KCNB2: variants seen among roughly 807,000 people sequenced by gnomAD.
The protein encoded by KCNB2 is delayed rectifier potassium channel protein.
A neutral mutation model predicts 61.5 loss-of-function variants in KCNB2; 15 were observed. The observed-to-expected ratio is 0.24, with a 90% CI of 0.16 to 0.38. The LOEUF (loss-of-function observed/expected upper bound fraction) is 0.38. Ranked by LOEUF, KCNB2 falls within the 10% of genes least tolerant of loss-of-function variation. KCNB2 has a pLI of 1.00. For missense variants in KCNB2, 828 were observed against 1,125.2 expected (o/e 0.74, Z 3.78); for synonymous variants, 457 against 446.0 (o/e 1.02, Z -0.31).
intron 2 of KCNB2, among the ~76,000 whole-genome samples, chr8:72,824,955 T>C (rs1324655094): frequency 6.6e-6 from 1 of 152,222 alleles, no homozygotes; most frequent in Non-Finnish European, 1.5e-5. Flanking sequence ...TGGCATTAAG[T>C]ACATTCACAT....
At chr8:72,849,152 T>C (rs968987974) in intron 2 of KCNB2, among the ~76,000 whole-genome samples, 4 of 151,018 alleles carry the variant, frequency 2.6e-5, no homozygotes, top group African/African-American at 7.3e-5. Flanking sequence ...ATCAGCCTTG[T>C]AATTTTTTTT....
intron 2 of KCNB2, among the ~76,000 whole-genome samples, chr8:72,814,351 T>C (rs1254366255): frequency 1.3e-5 from 2 of 152,202 alleles, no homozygotes; most frequent in African/African-American, 2.4e-5. Context: ...TTAGGGTATA[T>C]CCATAAAAAG....
At position 72,591,424 on chromosome 8, in the gene KCNB2, T is replaced by C. The variant is rs955099697; in HGVS notation, c.579+23111T>C. Among the ~76,000 whole-genome samples the C allele has an allele frequency of 4.6e-5, 7 of 152,146 alleles. No homozygotes were observed. In the East Asian group the frequency reaches 1.3e-3, roughly 29 times the overall value. On this transcript the variant is annotated intron_variant, in intron 2 of 2. Coordinates refer to ENST00000523207, the MANE Select transcript of KCNB2 (RefSeq NM_004770.3). Reference sequence around the variant, plus strand: ...AGTCTGGGACTGAGCTGGAAACTGATGCATGCATAAAAGAAGGTGGACTTC... The same window carrying C: ...AGTCTGGGACTGAGCTGGAAACTGACGCATGCATAAAAGAAGGTGGACTTC...
chr8:72,754,177 G>C (rs900181937), intron 2 of KCNB2, among the ~76,000 whole-genome samples: 2 of 152,114 alleles, frequency 1.3e-5, no homozygotes, highest in African/African-American at 4.8e-5. Flanking sequence ...ATTGTAACAG[G>C]CCAATTGGGG....
chr8:72,798,408 A>G (rs987351720), intron 2 of KCNB2, among the ~76,000 whole-genome samples: 1 of 152,268 alleles, frequency 6.6e-6, no homozygotes, highest in South Asian at 2.1e-4. Flanking sequence ...TATATTTCTT[A>G]TATCATCCTA....
chr8:72,572,344 A>G lies in KCNB2; in HGVS notation c.579+4031A>G, dbSNP rs111724430. ...CTAGAACATAAGCAGCCCTTATTGG[A>G]TAAGAACAGCAGGAGGCAAAATCTG... On this transcript the variant is annotated intron_variant, in intron 2 of 2. Coordinates refer to ENST00000523207, the MANE Select transcript of KCNB2 (RefSeq NM_004770.3). Among the ~76,000 whole-genome samples, 1,247 of 152,290 alleles carry G rather than the reference A, an allele frequency of 8.2e-3. 9 individuals are homozygous for G. Among genetic ancestry groups the G allele is most frequent in the South Asian group, 0.014 (66 of 4,822 alleles).
intron 2 of KCNB2, among the ~76,000 whole-genome samples, chr8:72,916,828 A>G (rs1806410828): frequency 6.6e-6 from 1 of 152,226 alleles, no homozygotes; most frequent in East Asian, 1.9e-4. Flanking sequence ...AAGCTACATC[A>G]TCAAGTTGTC....
chr8:72,752,524 C>T (rs943648229), intron 2 of KCNB2, among the ~76,000 whole-genome samples: 4 of 152,150 alleles, frequency 2.6e-5, no homozygotes, highest in Non-Finnish European at 5.9e-5. Flanking sequence ...TGATCATCTA[C>T]TGCACTCAGA....
chr8:72,855,517 T>C (rs1212906732), intron 2 of KCNB2, among the ~76,000 whole-genome samples: 1 of 152,196 alleles, frequency 6.6e-6, no homozygotes, highest in Non-Finnish European at 1.5e-5. Context: ...TGTCCTCTGC[T>C]GTGACCCAGT....
intron 2 of KCNB2, among the ~76,000 whole-genome samples, chr8:72,770,687 A>G (rs148446714): frequency 6.8e-4 from 104 of 152,340 alleles, no homozygotes; most frequent in African/African-American, 2.3e-3. Flanking sequence ...TGGGGATTAA[A>G]TGGAATAATC....
intron 2 of KCNB2, among the ~76,000 whole-genome samples, chr8:72,613,873 T>G (rs1236240875): frequency 6.6e-6 from 1 of 152,168 alleles, no homozygotes; most frequent in African/African-American, 2.4e-5. Flanking sequence ...AAGAGTGAAT[T>G]TCTTGAGCTC....
intron 1 of KCNB2, among the ~76,000 whole-genome samples, chr8:72,539,485 T>G (rs1309249006): frequency 6.6e-6 from 1 of 152,226 alleles, no homozygotes; most frequent in East Asian, 1.9e-4. Flanking sequence ...TGTACCCTTC[T>G]TCCTTTTCTG....
chr8:72,760,161 T>G (rs1808353526), intron 2 of KCNB2, among the ~76,000 whole-genome samples: 1 of 152,206 alleles, frequency 6.6e-6, no homozygotes, highest in South Asian at 2.1e-4. Flanking sequence ...TCTACAGATT[T>G]GGAGCCAGAT....
At chr8:72,619,272 A>G (rs1370808663) in intron 2 of KCNB2, 1 of 618,546 alleles carries the variant, frequency 1.6e-6, no homozygotes, top group Non-Finnish European at 3.2e-6. Context: ...CAAAGCATTC[A>G]GATACCTGGA....
At chr8:72,677,077 T>C (rs942347569) in intron 2 of KCNB2, among the ~76,000 whole-genome samples, 1 of 144,066 alleles carries the variant, frequency 6.9e-6, no homozygotes, top group Admixed American at 7.0e-5. Context: ...ATGACTTGCA[T>C]GCCTATAAAA....
intron 2 of KCNB2, among the ~76,000 whole-genome samples, chr8:72,672,625 A>C (rs1001695906): frequency 6.6e-6 from 1 of 151,660 alleles, no homozygotes; most frequent in Non-Finnish European, 1.5e-5. Flanking sequence ...TGAATTTAAC[A>C]AAAGAGCTCT....
chr8:72,597,798 C>G (rs531612083), intron 2 of KCNB2, among the ~76,000 whole-genome samples: 1 of 152,002 alleles, frequency 6.6e-6, no homozygotes, highest in Non-Finnish European at 1.5e-5. Context: ...CCAGGAAGTC[C>G]CAACCCAAAA....
At chr8:72,850,717 A>G (rs1365757376) in intron 2 of KCNB2, among the ~76,000 whole-genome samples, 3 of 152,210 alleles carry the variant, frequency 2.0e-5, no homozygotes, top group African/African-American at 4.8e-5. Context: ...AGAAAATTTA[A>G]TGGAATAGTT....
Position 72,655,043 on chromosome 8 carries a change from C to G in KCNB2, c.579+86730C>G, listed in dbSNP as rs116275914. Among the ~76,000 whole-genome samples the G allele has an allele frequency of 3.7e-3, 556 of 152,152 alleles. 2 individuals carry two copies. The highest frequency in any genetic ancestry group is 0.012 in the African/African-American group (497 of 41,528). On this transcript the variant is annotated intron_variant, in intron 2 of 2. Coordinates refer to ENST00000523207, the MANE Select transcript of KCNB2 (RefSeq NM_004770.3). ...AATGATAGACAAGACATGGAATCAACGTAAATGCCCATCAGTGGTAGAATG... is the reference window on the plus strand; with the variant it reads ...AATGATAGACAAGACATGGAATCAAGGTAAATGCCCATCAGTGGTAGAATG...
Sources: allele counts gnomAD v4.1 joint callset (sites outside exome capture counted in the v4.1 genomes callset), GRCh38; gene constraint gnomAD v4.1.1; transcripts MANE v1.5; gene names NCBI Gene and HGNC (gene_info 2026-07-23, HGNC 2026-07-21).